SH3RF3: variants seen among roughly 807,000 people sequenced by gnomAD.
SH3RF3 encodes the protein SH3 domain containing ring finger 3.
Under a neutral mutation model 66.3 loss-of-function variants are expected in SH3RF3, and 29 were observed. The observed-to-expected ratio is 0.44, with a 90% CI of 0.33 to 0.60. The LOEUF (loss-of-function observed/expected upper bound fraction) is 0.60. SH3RF3 is among the 20% of genes least tolerant of loss of function. The probability of loss-of-function intolerance (pLI) is 0.04; values close to 1 mark genes in which losing one functional copy is unlikely to be tolerated. For synonymous variants in SH3RF3, 583 were observed against 532.0 expected (o/e 1.10, Z -1.32); for missense variants, 1,194 against 1,190.9 (o/e 1.00, Z -0.04).
At chr2:109,179,003 ATGTGTGTGTGTG>A (rs56236635) in intron 1 of SH3RF3, among the ~76,000 whole-genome samples, 1 of 142,066 alleles carries the variant, frequency 7.0e-6, no homozygotes. Context: ...AAGTATAATA[ATGTGTGTGTGTG>A]TGTGTGTGTG....
intron 1 of SH3RF3, among the ~76,000 whole-genome samples, chr2:109,165,207 CTG>C (rs10536517): frequency 0.81 from 123,834 of 151,946 alleles, 50,631 homozygotes; most frequent in East Asian, 0.89. Flanking sequence ...TGAGGGAAGA[CTG>C]TGCTAATCCT....
At chr2:109,442,640 C>T (rs1029602553) in intron 7 of SH3RF3, among the ~76,000 whole-genome samples, 3 of 152,044 alleles carry the variant, frequency 2.0e-5, no homozygotes, top group African/African-American at 7.2e-5. Context: ...TACTATGAAT[C>T]TTTATGTTAT....
intron 1 of SH3RF3, among the ~76,000 whole-genome samples, chr2:109,327,927 C>T (rs139340743): frequency 1.7e-4 from 26 of 152,284 alleles, no homozygotes; most frequent in African/African-American, 6.3e-4. Flanking sequence ...CAAACATACA[C>T]AATCATGGAG....
chr2:109,307,394 G>A (rs574622629), intron 1 of SH3RF3, among the ~76,000 whole-genome samples: 1 of 152,076 alleles, frequency 6.6e-6, no homozygotes, highest in East Asian at 1.9e-4. Flanking sequence ...CATGCTCTGG[G>A]CGGAAGCTTG....
chr2:109,190,150 CCTCT>C (rs1678309977), intron 1 of SH3RF3, among the ~76,000 whole-genome samples: 1 of 152,152 alleles, frequency 6.6e-6, no homozygotes, highest in Admixed American at 6.5e-5. Context: ...AGAATCTTTC[CCTCT>C]ATTACAATCA....
chr2:109,437,282 T>A, intron 7 of SH3RF3, 136 bp downstream of exon 7: 1 of 1,375,340 alleles, frequency 7.3e-7, no homozygotes, highest in Non-Finnish European at 9.7e-7. Context: ...CTGGAGAAAC[T>A]TAAGGAAAAC....
chr2:109,269,733 C>T (rs989803629), intron 1 of SH3RF3, among the ~76,000 whole-genome samples: 2 of 152,174 alleles, frequency 1.3e-5, no homozygotes, highest in Non-Finnish European at 2.9e-5. Flanking sequence ...GAGGTGAGAT[C>T]GTGCCACTGC....
At chr2:109,291,933 G>A (rs908245487) in intron 1 of SH3RF3, among the ~76,000 whole-genome samples, 11 of 152,208 alleles carry the variant, frequency 7.2e-5, no homozygotes, top group African/African-American at 2.7e-4. Flanking sequence ...GCACAATCTC[G>A]GCTCACCACA....
At chr2:109,365,658 C>A (rs893478635) in intron 2 of SH3RF3, among the ~76,000 whole-genome samples, 1 of 152,064 alleles carries the variant, frequency 6.6e-6, no homozygotes, top group Admixed American at 6.6e-5. Flanking sequence ...GTTACTGTGG[C>A]GGTTGTATTT....
At chr2:109,479,898 G>A (rs939160532) in intron 8 of SH3RF3, among the ~76,000 whole-genome samples, 21 of 152,066 alleles carry the variant, frequency 1.4e-4, no homozygotes, top group Admixed American at 1.2e-3. Context: ...TGCAGCACGA[G>A]GATCTCCCTG....
intron 1 of SH3RF3, among the ~76,000 whole-genome samples, chr2:109,269,367 G>A (rs1303147159): frequency 6.6e-6 from 1 of 152,172 alleles, no homozygotes; most frequent in African/African-American, 2.4e-5. Flanking sequence ...CCCACACACC[G>A]TGTAATTTCC....
intron 1 of SH3RF3, among the ~76,000 whole-genome samples, chr2:109,293,576 C>T (rs577827356): frequency 6.6e-6 from 1 of 152,338 alleles, no homozygotes; most frequent in East Asian, 1.9e-4. Context: ...GGGTGTGAAG[C>T]CCATGCCAAC....
At chr2:109,189,894 A>G (rs900560357) in intron 1 of SH3RF3, among the ~76,000 whole-genome samples, 2 of 152,154 alleles carry the variant, frequency 1.3e-5, no homozygotes, top group African/African-American at 4.8e-5. Flanking sequence ...TGGAGCGATC[A>G]TACTTTCTGC....
chr2:109,134,817 A>G (rs1211512081), intron 1 of SH3RF3, among the ~76,000 whole-genome samples: 2 of 152,192 alleles, frequency 1.3e-5, no homozygotes, highest in Admixed American at 6.5e-5. Flanking sequence ...ATGCTCTTCT[A>G]TGCAAGGCTG....
chr2:109,214,603 C>A (rs1679066880), intron 1 of SH3RF3, among the ~76,000 whole-genome samples: 1 of 152,070 alleles, frequency 6.6e-6, no homozygotes, highest in Non-Finnish European at 1.5e-5. Flanking sequence ...AACAGGAATC[C>A]TTTTTGAGGA....
chr2:109,487,372 T>G (rs1679010856), intron 8 of SH3RF3, among the ~76,000 whole-genome samples: 1 of 152,142 alleles, frequency 6.6e-6, no homozygotes. Context: ...TACCTCCATA[T>G]TCCATGGATT....
chr2:109,387,860 G>C (rs1045757350), intron 3 of SH3RF3, among the ~76,000 whole-genome samples: 35 of 87,646 alleles, frequency 4.0e-4, no homozygotes, highest in African/African-American at 1.6e-3. Flanking sequence ...CAGATGGTTG[G>C]GGGGGGGGTC....
chr2:109,153,790 C>G (rs776284903), intron 1 of SH3RF3, among the ~76,000 whole-genome samples: 1 of 152,226 alleles, frequency 6.6e-6, no homozygotes, highest in Non-Finnish European at 1.5e-5. Flanking sequence ...CCCCGACCCC[C>G]GATGCCACCA....
At chr2:109,429,802 G>T (rs1260823999) in intron 5 of SH3RF3, among the ~76,000 whole-genome samples, 1 of 152,218 alleles carries the variant, frequency 6.6e-6, no homozygotes, top group African/African-American at 2.4e-5. Context: ...GAGGAAGCAC[G>T]TTGCACAGGG....
Sources: gnomAD v4.1 joint callset for allele counts (sites outside exome capture counted in the v4.1 genomes callset) on GRCh38, gnomAD v4.1.1 for gene constraint, MANE v1.5 for transcripts, NCBI Gene and HGNC (gene_info 2026-07-23, HGNC 2026-07-21) for gene names.